The following CADM2 variants were observed in gnomAD, a reference collection of about 807,000 sequenced individuals.
The protein encoded by CADM2 is cell adhesion molecule 2, also known as immunoglobulin superfamily member 4D.
Under a neutral mutation model 49.8 loss-of-function variants are expected in CADM2, and 12 were observed. The ratio of observed to expected loss-of-function variants is 0.24; its 90% CI spans 0.15 to 0.39. The LOEUF (loss-of-function observed/expected upper bound fraction) is 0.39, where lower values mean the gene tolerates loss of function less well. CADM2 is among the 10% of genes least tolerant of loss of function. CADM2 has a pLI of 1.00. For missense variants in CADM2, 378 were observed against 492.3 expected, an observed-to-expected ratio of 0.77 and a Z score of 2.20; for synonymous variants, 214 against 175.4, an observed-to-expected ratio of 1.22 and a Z score of -1.74.
intron 8 of CADM2, among the ~76,000 whole-genome samples, chr3:86,030,134 A>G (rs1734382532): frequency 3.3e-5 from 5 of 152,000 alleles, no homozygotes; most frequent in Admixed American, 3.3e-4. Flanking sequence ...AAACTCCTGA[A>G]GACTTTAAAG....
intron 1 of CADM2, among the ~76,000 whole-genome samples, chr3:85,574,281 A>G (rs1290336972): frequency 6.6e-6 from 1 of 152,206 alleles, no homozygotes; most frequent in Non-Finnish European, 1.5e-5. Context: ...TGCTTTAGCA[A>G]CATAGGTTAT....
At chr3:85,493,317 T>A (rs1007137792) in intron 1 of CADM2, among the ~76,000 whole-genome samples, 1 of 152,156 alleles carries the variant, frequency 6.6e-6, no homozygotes, top group Non-Finnish European at 1.5e-5. Flanking sequence ...CCCCAATGTG[T>A]TCAGGTTTCT....
At chr3:85,045,550 A>T (rs910054519) in intron 1 of CADM2, among the ~76,000 whole-genome samples, 1 of 152,134 alleles carries the variant, frequency 6.6e-6, no homozygotes, top group Non-Finnish European at 1.5e-5. Context: ...GGTTGGATAG[A>T]TTTTGTGTAT....
At chr3:85,991,289 T>C (rs1352652793) in intron 8 of CADM2, among the ~76,000 whole-genome samples, 1 of 152,182 alleles carries the variant, frequency 6.6e-6, no homozygotes. Flanking sequence ...TCCAAATACA[T>C]GTAAAACAAA....
intron 1 of CADM2, among the ~76,000 whole-genome samples, chr3:85,282,429 ATT>A (rs1200462213): frequency 1.5e-4 from 19 of 124,022 alleles, no homozygotes; most frequent in Admixed American, 3.3e-4. Flanking sequence ...TCTTGGCCAA[ATT>A]TTTTTTTTTT....
intron 3 of CADM2, among the ~76,000 whole-genome samples, chr3:85,812,125 C>T (rs1425768699): frequency 6.6e-6 from 1 of 151,938 alleles, no homozygotes; most frequent in Non-Finnish European, 1.5e-5. Context: ...CAGGTACCAT[C>T]TATATATGGG....
chr3:85,249,669 C>A (rs893275606), intron 1 of CADM2, among the ~76,000 whole-genome samples: 1 of 151,878 alleles, frequency 6.6e-6, no homozygotes. Context: ...TTCAGGTCTA[C>A]TTTTGCAAAT....
intron 1 of CADM2, among the ~76,000 whole-genome samples, chr3:85,631,129 C>A (rs1389779404): frequency 6.6e-6 from 1 of 151,878 alleles, no homozygotes; most frequent in Non-Finnish European, 1.5e-5. Flanking sequence ...GGGTAGTGAC[C>A]ACTCTTCTCT....
intron 5 of CADM2, among the ~76,000 whole-genome samples, chr3:85,898,159 T>G (rs1715523315): frequency 6.6e-6 from 1 of 152,204 alleles, no homozygotes; most frequent in African/African-American, 2.4e-5. Flanking sequence ...AGGAGATACA[T>G]AAGTCACTCT....
intron 1 of CADM2, among the ~76,000 whole-genome samples, chr3:85,205,904 C>T (rs1385790206): frequency 1.3e-5 from 2 of 152,148 alleles, no homozygotes; most frequent in African/African-American, 4.8e-5. Context: ...ATAATTTTCT[C>T]TCAGAAATAG....
At chr3:85,162,787 T>G (rs2040365917) in intron 1 of CADM2, among the ~76,000 whole-genome samples, 1 of 151,954 alleles carries the variant, frequency 6.6e-6, no homozygotes, top group African/African-American at 2.4e-5. Context: ...AGAAATATTT[T>G]CTACAACATT....
chr3:85,845,908 G>T (rs2074858064), intron 3 of CADM2, among the ~76,000 whole-genome samples: 1 of 152,130 alleles, frequency 6.6e-6, no homozygotes, highest in East Asian at 1.9e-4. Context: ...GTGCTGTCCT[G>T]GTATTGGGCT....
chr3:85,422,772 C>A (rs770101482), intron 1 of CADM2, among the ~76,000 whole-genome samples: 4 of 151,938 alleles, frequency 2.6e-5, no homozygotes, highest in Non-Finnish European at 4.4e-5. Flanking sequence ...TGGGCTCAAA[C>A]CCCTTATGGG....
rs1575950305 is a variant in CADM2, at chr3:84,974,172, T to C, written c.61+14504T>C. 1.3e-5 allele frequency among the ~76,000 whole-genome samples: 2 copies of C among 151,890 alleles called. 1 individual carries two copies. The highest frequency in any genetic ancestry group is 3.9e-4 in the East Asian group (2 of 5,172). ...TTGAATATTACTATTTATTGGCTAG[T>C]GATATCTCTGGAATGGATGATATAC... On this transcript the variant is annotated intron_variant, in intron 1 of 9. Transcript: ENST00000383699.
At chr3:85,315,820 C>G (rs1399747943) in intron 1 of CADM2, among the ~76,000 whole-genome samples, 2 of 152,064 alleles carry the variant, frequency 1.3e-5, no homozygotes, top group Non-Finnish European at 2.9e-5. Flanking sequence ...ACTTTAACAA[C>G]TAATATATTT....
At chr3:85,939,178 T>C (rs1321208659) in intron 7 of CADM2, among the ~76,000 whole-genome samples, 1 of 152,060 alleles carries the variant, frequency 6.6e-6, no homozygotes, top group Non-Finnish European at 1.5e-5. Context: ...CCTATTTGCC[T>C]GCTTTGGACT....
In CADM2 at chr3:86,051,484, T is replaced by C. The variant is rs145703551; in HGVS notation, c.971-14121T>C. On this transcript the variant is annotated intron_variant, in intron 8 of 9. Transcript: ENST00000383699. Reference sequence around the variant, plus strand: ...CGCCTATTACCAAGTTCCAAAGTCGTTTCCACATTTTTAGGTATTCTATAG... The same window carrying C: ...CGCCTATTACCAAGTTCCAAAGTCGCTTCCACATTTTTAGGTATTCTATAG... 3.3e-4 allele frequency among the ~76,000 whole-genome samples: 50 copies of C among 152,330 alleles called. No homozygotes were observed. The East Asian group carries it at 9.1e-3, about 28-fold the overall frequency.
chr3:85,104,401 A>G (rs1266414501), intron 1 of CADM2, among the ~76,000 whole-genome samples: 2 of 151,828 alleles, frequency 1.3e-5, no homozygotes, highest in East Asian at 3.9e-4. Flanking sequence ...TGTTCCATTG[A>G]CCTATATCTC....
intron 1 of CADM2, among the ~76,000 whole-genome samples, chr3:84,987,865 T>C (rs140824066): frequency 6.6e-6 from 1 of 152,194 alleles, no homozygotes; most frequent in East Asian, 1.9e-4. Context: ...GATGCATCTG[T>C]TTTCCTAATT....
Sources: allele counts gnomAD v4.1 joint callset (sites outside exome capture counted in the v4.1 genomes callset), GRCh38; gene constraint gnomAD v4.1.1; transcripts MANE v1.5; gene names NCBI Gene and HGNC (gene_info 2026-07-23, HGNC 2026-07-21).